KIAA1328: variants seen among roughly 807,000 people sequenced by gnomAD.
The protein encoded by KIAA1328 is protein hinderin.
In KIAA1328, 52 loss-of-function variants were observed where a neutral mutation model predicts 68.1. That is an observed-to-expected ratio of 0.76 (90% CI 0.61 to 0.96). The LOEUF (loss-of-function observed/expected upper bound fraction) is 0.96. Among genes scored for constraint, KIAA1328 ranks in the 40% least tolerant of loss-of-function variants. The pLI is 0.00. For synonymous variants in KIAA1328, 232 were observed against 239.4 expected, an observed-to-expected ratio of 0.97 and a Z score of 0.28; for missense variants, 641 against 677.6, an observed-to-expected ratio of 0.95 and a Z score of 0.60.
intron 4 of KIAA1328, among the ~76,000 whole-genome samples, chr18:36,878,873 T>G (rs958198108): frequency 6.6e-6 from 1 of 152,224 alleles, no homozygotes; most frequent in Non-Finnish European, 1.5e-5. Context: ...ATCAGGTCAT[T>G]TATGTTCTTC....
chr18:37,031,403 T>C (rs1205351881), intron 6 of KIAA1328, among the ~76,000 whole-genome samples: 2 of 152,232 alleles, frequency 1.3e-5, no homozygotes, highest in Non-Finnish European at 2.9e-5. Flanking sequence ...ACTTTTCTTA[T>C]CACTTTCAAA....
At chr18:36,847,677 T>C (rs984489230) in intron 4 of KIAA1328, among the ~76,000 whole-genome samples, 2 of 151,618 alleles carry the variant, frequency 1.3e-5, no homozygotes, top group Admixed American at 1.3e-4. Context: ...CGTTTTATTC[T>C]CAGTCTGCAG....
At chr18:36,878,243 T>G (rs2048206633) in intron 4 of KIAA1328, among the ~76,000 whole-genome samples, 1 of 152,178 alleles carries the variant, frequency 6.6e-6, no homozygotes, top group African/African-American at 2.4e-5. Flanking sequence ...TCTCAGGGTT[T>G]GCTTGTCTGT....
chr18:37,024,397 C>CT, intron 6 of KIAA1328, among the ~76,000 whole-genome samples: 1 of 147,154 alleles, frequency 6.8e-6, no homozygotes, highest in African/African-American at 2.5e-5. Context: ...ATTTATTATA[C>CT]TTTAAGTTCT....
chr18:37,087,942 A>G (rs1423523966), intron 7 of KIAA1328, among the ~76,000 whole-genome samples: 1 of 152,146 alleles, frequency 6.6e-6, no homozygotes, highest in Non-Finnish European at 1.5e-5. Flanking sequence ...CTCCTGGGGG[A>G]TAAACCTCCA....
chr18:37,056,620 A>G (rs1029242319), intron 6 of KIAA1328, among the ~76,000 whole-genome samples: 6 of 152,184 alleles, frequency 3.9e-5, no homozygotes, highest in African/African-American at 1.4e-4. Context: ...TTTAGTAGCC[A>G]AAAATTGTGG....
In KIAA1328 at chr18:37,074,280, C is replaced by G. The variant is rs142589039; in HGVS notation, c.1232+6735C>G. ...AGGTTTCTAAGGCAAAAACAAAGCC[C>G]GGGAAACTCACCACATTGTTGTTTT... On this transcript the variant is annotated intron_variant, in intron 7 of 9. Coordinates refer to ENST00000280020, the MANE Select transcript of KIAA1328 (RefSeq NM_020776.3). Among the ~76,000 whole-genome samples the G allele has an allele frequency of 2.8e-3, 432 of 152,256 alleles. 3 individuals carry two copies. The highest frequency in any genetic ancestry group is 9.8e-3 in the African/African-American group (407 of 41,562).
chr18:37,005,022 C>T (rs1242693878), intron 6 of KIAA1328, among the ~76,000 whole-genome samples: 1 of 151,958 alleles, frequency 6.6e-6, no homozygotes, highest in Non-Finnish European at 1.5e-5. Flanking sequence ...ATTGTATGTT[C>T]TTACTTATAA....
chr18:37,033,763 C>T (rs980734108), intron 6 of KIAA1328, among the ~76,000 whole-genome samples: 1 of 152,218 alleles, frequency 6.6e-6, no homozygotes, highest in African/African-American at 2.4e-5. Context: ...CCACCTCAAC[C>T]TCCCGGAACT....
intron 4 of KIAA1328, among the ~76,000 whole-genome samples, chr18:36,880,824 T>C (rs545288170): frequency 5.9e-5 from 9 of 152,342 alleles, no homozygotes; most frequent in African/African-American, 1.7e-4. Flanking sequence ...TCTGCTATTA[T>C]AGATGAGCAT....
chr18:37,036,214 G>A (rs143210571), intron 6 of KIAA1328, among the ~76,000 whole-genome samples: 244 of 152,308 alleles, frequency 1.6e-3, no homozygotes, highest in African/African-American at 5.6e-3. Context: ...GGTTTGAGTT[G>A]TTTCTGGAGC....
At chr18:37,030,195 T>C (rs1031995725) in intron 6 of KIAA1328, among the ~76,000 whole-genome samples, 4 of 152,120 alleles carry the variant, frequency 2.6e-5, no homozygotes, top group African/African-American at 9.6e-5. Context: ...TGTTTATTTT[T>C]CCTTCATTCA....
chr18:37,070,990 A>G (rs2056505124), intron 7 of KIAA1328, among the ~76,000 whole-genome samples: 1 of 149,774 alleles, frequency 6.7e-6, no homozygotes, highest in Non-Finnish European at 1.5e-5. Flanking sequence ...CATTTGAGTC[A>G]GCCAGTTTCT....
At chr18:36,931,832 A>AT (rs58625638) in intron 5 of KIAA1328, among the ~76,000 whole-genome samples, 117,580 of 147,128 alleles carry the variant, frequency 0.8, 47,076 homozygotes, top group South Asian at 0.9. Context: ...TAGCTATTTC[A>AT]TTTTTTTAAT....
chr18:36,936,082 T>C (rs1218714986), intron 5 of KIAA1328, among the ~76,000 whole-genome samples: 2 of 152,202 alleles, frequency 1.3e-5, no homozygotes, highest in African/African-American at 4.8e-5. Flanking sequence ...TAATCAAATA[T>C]GCCCTAGGCA....
chr18:36,863,923 T>C (rs2047654668), intron 4 of KIAA1328, among the ~76,000 whole-genome samples: 1 of 152,196 alleles, frequency 6.6e-6, no homozygotes, highest in East Asian at 1.9e-4. Flanking sequence ...TTCTTTGGGA[T>C]TCTTTTATGT....
intron 1 of KIAA1328, among the ~76,000 whole-genome samples, chr18:36,831,425 C>A (rs916009977): frequency 1.2e-4 from 18 of 152,092 alleles, no homozygotes; most frequent in African/African-American, 4.3e-4. Flanking sequence ...GTGGTGTTGT[C>A]ATGTTATGGG....
chr18:37,177,534 C>CA lies in KIAA1328; in HGVS notation c.1523+4456dup, dbSNP rs537373037. On this transcript the variant is annotated intron_variant, in intron 9 of 9. Transcript: ENST00000280020. ...GTGAAGAAAGAAAGGGAGATTTCAC[C>CA]AAATCACGCCCAACTAGTGAATTTT... 4.6e-4 allele frequency among the ~76,000 whole-genome samples: 70 copies of CA among 152,190 alleles called. No homozygotes were observed. The East Asian group carries it at 0.011, about 24-fold the overall frequency.
intron 6 of KIAA1328, among the ~76,000 whole-genome samples, chr18:37,032,657 T>C (rs555873457): frequency 2.6e-5 from 4 of 152,132 alleles, no homozygotes; most frequent in African/African-American, 9.7e-5. Flanking sequence ...TTGTTTGTTT[T>C]TGAGATGGAG....
Sources: gnomAD v4.1 joint callset for allele counts (sites outside exome capture counted in the v4.1 genomes callset) on GRCh38, gnomAD v4.1.1 for gene constraint, MANE v1.5 for transcripts, NCBI Gene and HGNC (gene_info 2026-07-23, HGNC 2026-07-21) for gene names.